Variants in TACC2 observed in about 807,000 individuals in gnomAD.
The protein encoded by TACC2 is transforming acidic coiled-coil containing protein 2, also known as transforming acidic coiled-coil-containing protein 2.
A neutral mutation model predicts 227.3 loss-of-function variants in TACC2; 137 were observed. The observed-to-expected ratio is 0.60, with a 90% CI of 0.52 to 0.69. The LOEUF (loss-of-function observed/expected upper bound fraction) is 0.69. Ranked by LOEUF, TACC2 falls within the 30% of genes least tolerant of loss-of-function variation. The pLI is 0.00. For missense variants in TACC2, 3,470 were observed against 3,694.4 expected, an observed-to-expected ratio of 0.94 and a Z score of 1.57; for synonymous variants, 1,523 against 1,487.5, an observed-to-expected ratio of 1.02 and a Z score of -0.55.
At chr10:122,087,991 T>C in intron 4 of TACC2, 32 bp downstream of exon 4, 5 of 1,492,726 alleles carry the variant, frequency 3.3e-6, no homozygotes, top group African/African-American at 1.4e-5. Context: ...CACGGGAATG[T>C]GTGGTCAGTT....
At chr10:122,151,334 G>C (rs887309115) in intron 7 of TACC2, among the ~76,000 whole-genome samples, 6 of 152,276 alleles carry the variant, frequency 3.9e-5, no homozygotes, top group Admixed American at 6.5e-5. Context: ...ACTGAGTTTT[G>C]CAGCATGGCT....
At chr10:122,175,857 A>G (rs2093670078) in intron 7 of TACC2, among the ~76,000 whole-genome samples, 1 of 152,204 alleles carries the variant, frequency 6.6e-6, no homozygotes, top group South Asian at 2.1e-4. Flanking sequence ...GCTTGAGCTC[A>G]GGAGTTAGAG....
At chr10:122,009,419 G>A (rs533388804) in intron 1 of TACC2, among the ~76,000 whole-genome samples, 3 of 151,998 alleles carry the variant, frequency 2.0e-5, no homozygotes, top group Admixed American at 6.6e-5. Flanking sequence ...CAGGAGAATC[G>A]CTCAAATCTG....
At chr10:122,013,494 G>A (rs1031762157) in intron 1 of TACC2, among the ~76,000 whole-genome samples, 16 of 152,296 alleles carry the variant, frequency 1.1e-4, no homozygotes, top group African/African-American at 3.6e-4. Flanking sequence ...TTCAGTCACT[G>A]GAGAAAGAAG....
At chr10:122,125,923 C>T (rs527484911) in intron 5 of TACC2, among the ~76,000 whole-genome samples, 6 of 151,928 alleles carry the variant, frequency 3.9e-5, no homozygotes, top group South Asian at 2.1e-4. Context: ...ACTACAGGTG[C>T]GCGCCACCGC....
At chr10:122,097,499 T>C (rs78660055) in intron 5 of TACC2, among the ~76,000 whole-genome samples, 2,799 of 150,754 alleles carry the variant, frequency 0.019, 100 homozygotes, top group African/African-American at 0.065. Flanking sequence ...CAGCACTCAG[T>C]TTTCAGGCCA....
At position 122,084,640 on chromosome 10, in the gene TACC2, C is replaced by T; in HGVS notation, c.2140C>T (p.Leu714=). The change falls in exon 4 of 23, where the codon CTG becomes TTG. Residue 714 remains leucine (L), a synonymous_variant. Coordinates refer to ENST00000369005, the MANE Select transcript of TACC2 (RefSeq NM_206862.4). ...REGLGRMESF[L]TLESEKSDFP... ...AGGATTGGGAAGAATGGAGTCTTTC[C>T]TGACTTTAGAATCAGAGAAATCAGA... 1 of 1,613,788 alleles carries T rather than the reference C, an allele frequency of 6.2e-7. No homozygotes were observed. Among genetic ancestry groups the T allele is most frequent in the East Asian group, 2.2e-5 (1 of 44,874 alleles).
At chr10:122,189,404 G>A (rs746911535) in intron 7 of TACC2, among the ~76,000 whole-genome samples, 1 of 152,180 alleles carries the variant, frequency 6.6e-6, no homozygotes, top group Non-Finnish European at 1.5e-5. Context: ...GATGGCAGCT[G>A]CTCTTTCAGC....
intron 5 of TACC2, among the ~76,000 whole-genome samples, chr10:122,097,561 G>A (rs1031998996): frequency 1.2e-4 from 19 of 152,032 alleles, no homozygotes; most frequent in Non-Finnish European, 1.6e-4. Context: ...CCCAGGGGAC[G>A]GGGAGGGCCC....
chr10:122,225,210 G>T (rs1379638358), intron 12 of TACC2, among the ~76,000 whole-genome samples: 2 of 152,234 alleles, frequency 1.3e-5, no homozygotes, highest in East Asian at 3.8e-4. Flanking sequence ...GATGGGCACT[G>T]TCTTTCCTGG....
intron 5 of TACC2, among the ~76,000 whole-genome samples, chr10:122,109,911 T>C (rs1336944341): frequency 6.6e-6 from 1 of 152,248 alleles, no homozygotes; most frequent in Non-Finnish European, 1.5e-5. Context: ...AAGTTCTCTA[T>C]AAAATTAGTG....
chr10:122,186,725 C>G (rs2094207587), intron 7 of TACC2, among the ~76,000 whole-genome samples: 1 of 152,188 alleles, frequency 6.6e-6, no homozygotes, highest in Non-Finnish European at 1.5e-5. Flanking sequence ...GTTGGCCAGG[C>G]TGGCCTCGAA....
intron 7 of TACC2, among the ~76,000 whole-genome samples, chr10:122,185,021 C>CTTTTTT (rs34148046): frequency 7.5e-3 from 707 of 94,670 alleles, no homozygotes; most frequent in Non-Finnish European, 9.7e-3. Flanking sequence ...GTCACTTATT[C>CTTTTTT]TTTTTTTTTT....
intron 7 of TACC2, among the ~76,000 whole-genome samples, chr10:122,178,623 C>A (rs1378870125): frequency 6.6e-6 from 1 of 152,172 alleles, no homozygotes; most frequent in Non-Finnish European, 1.5e-5. Flanking sequence ...GTGGCTCACG[C>A]CTGTAATCCC....
chr10:122,250,493 A>C (rs1369499381), intron 22 of TACC2, among the ~76,000 whole-genome samples: 1 of 152,118 alleles, frequency 6.6e-6, no homozygotes, highest in Non-Finnish European at 1.5e-5. Context: ...GTGCCTCCCG[A>C]GTGGCCTCTA....
chr10:122,235,782 T>C (rs917221076), intron 16 of TACC2, among the ~76,000 whole-genome samples: 8 of 152,112 alleles, frequency 5.3e-5, no homozygotes, highest in African/African-American at 1.4e-4. Flanking sequence ...GTATATATTC[T>C]GGTCAAGCGT....
At chr10:122,162,779 T>A (rs1202530721) in intron 7 of TACC2, among the ~76,000 whole-genome samples, 1 of 152,094 alleles carries the variant, frequency 6.6e-6, no homozygotes, top group East Asian at 1.9e-4. Flanking sequence ...GTCACGGACA[T>A]TCCTACAGGC....
In TACC2 at chr10:122,046,212, C is replaced by T. The variant is rs374371537; in HGVS notation, c.34-4226C>T. 4.8e-4 allele frequency among the ~76,000 whole-genome samples: 71 copies of T among 148,280 alleles called. No individual in the cohort carries two copies. In the South Asian group the frequency reaches 5.5e-3, roughly 11 times the overall value. On this transcript the variant is annotated intron_variant, in intron 2 of 22. Coordinates refer to ENST00000369005, the MANE Select transcript of TACC2 (RefSeq NM_206862.4). ...TAATAGGGCTGGGTGTGGTGGCTCACGCCTGTAATCCCAGCACTTTGGGAG... is the reference window on the plus strand; with the variant it reads ...TAATAGGGCTGGGTGTGGTGGCTCATGCCTGTAATCCCAGCACTTTGGGAG...
At chr10:122,106,056 C>T (rs1161936674) in intron 5 of TACC2, among the ~76,000 whole-genome samples, 11 of 146,286 alleles carry the variant, frequency 7.5e-5, no homozygotes, top group Non-Finnish European at 1.2e-4. Flanking sequence ...GGTGTGATTT[C>T]GGCTCACTGC....
Sources: allele counts gnomAD v4.1 joint callset (sites outside exome capture counted in the v4.1 genomes callset), GRCh38; gene constraint gnomAD v4.1.1; transcripts MANE v1.5; gene names NCBI Gene and HGNC (gene_info 2026-07-23, HGNC 2026-07-21).